Variants in BRIP1 observed in about 807,000 individuals in gnomAD.
The protein encoded by BRIP1 is Fanconi anemia group J protein.
Under a neutral mutation model 119.7 loss-of-function variants are expected in BRIP1, and 88 were observed. The observed-to-expected ratio is 0.74, with a 90% CI of 0.62 to 0.88. The LOEUF (loss-of-function observed/expected upper bound fraction) is 0.88. Among genes scored for constraint, BRIP1 ranks in the 40% least tolerant of loss-of-function variants. The pLI, the probability that BRIP1 is intolerant of heterozygous loss-of-function variation, is 0.00. For missense variants in BRIP1, 1,259 were observed against 1,455.4 expected (o/e 0.87, Z 2.20); for synonymous variants, 443 against 496.5 (o/e 0.89, Z 1.43).
At chr17:61,696,185 A>G (rs1383053566) in intron 17 of BRIP1, among the ~76,000 whole-genome samples, 1 of 136,314 alleles carries the variant, frequency 7.3e-6, no homozygotes, top group Non-Finnish European at 1.5e-5. Context: ...AATGTGTTGA[A>G]TACTGTTTTA....
chr17:61,737,111 G>C (rs1197691670), intron 16 of BRIP1, among the ~76,000 whole-genome samples: 1 of 152,014 alleles, frequency 6.6e-6, no homozygotes, highest in Non-Finnish European at 1.5e-5. Flanking sequence ...AATCAAAATA[G>C]TATACTACAA....
At position 61,746,676 on chromosome 17, in the gene BRIP1, C is replaced by T. The variant is rs756797699; in HGVS notation, c.2098-2085G>A. Among the ~76,000 whole-genome samples, 2 of 152,002 alleles carry T rather than the reference C, an allele frequency of 1.3e-5. No homozygotes were observed. The highest frequency in any genetic ancestry group is 2.9e-5 in the Non-Finnish European group (2 of 67,960). Reference sequence around the variant, plus strand: ...AATATACACACAACCAACATCAGAGCACCCAAATATAGCAAGCAAATAGTG... The same window carrying T: ...AATATACACACAACCAACATCAGAGTACCCAAATATAGCAAGCAAATAGTG... On this transcript the variant is annotated intron_variant, in intron 14 of 19. Coordinates refer to ENST00000259008, the MANE Select transcript of BRIP1 (RefSeq NM_032043.3). The surrounding 1 kb of genome is among the most constrained non-coding windows in gnomAD (Gnocchi z 4.9).
At chr17:61,801,130 G>A in intron 8 of BRIP1, 123 bp downstream of exon 8, 1 of 878,814 alleles carries the variant, frequency 1.1e-6, no homozygotes, top group Non-Finnish European at 1.8e-6. Flanking sequence ...ACTCTAATAT[G>A]TTTACACAAA....
At chr17:61,787,709 A>C (rs1325850268) in intron 10 of BRIP1, among the ~76,000 whole-genome samples, 2 of 151,898 alleles carry the variant, frequency 1.3e-5, no homozygotes, top group Non-Finnish European at 2.9e-5. Context: ...CAGTGGCGCG[A>C]TTTCGGCTCA....
At chr17:61,788,940 C>T (rs965357415) in intron 10 of BRIP1, among the ~76,000 whole-genome samples, 7 of 151,908 alleles carry the variant, frequency 4.6e-5, no homozygotes, top group African/African-American at 1.7e-4. Context: ...CAAAAAAATA[C>T]AAAAAATGAG....
Position 61,686,461 on chromosome 17 carries a change from T to C in BRIP1, c.2576-296A>G, listed in dbSNP as rs566245173. 6.6e-6 allele frequency among the ~76,000 whole-genome samples: 1 copy of C among 151,700 alleles called. No homozygotes were observed. The highest frequency in any genetic ancestry group is 1.9e-4 in the East Asian group (1 of 5,160). ...TCTGGTTAAGAATAACTGGTGAACA[T>C]GGCAAATTTAATTTCATCATAATTC... On this transcript the variant is annotated intron_variant, in intron 18 of 19. Coordinates refer to ENST00000259008, the MANE Select transcript of BRIP1 (RefSeq NM_032043.3). This position sits in a 1 kb window ranked among gnomAD's most constrained non-coding sequence, Gnocchi z 5.4.
chr17:61,685,897 A>T lies in BRIP1; in HGVS notation c.2844T>A (p.Cys948Ter), dbSNP rs1567731150. ...EAKICVQELQ[C>*]PKIITKNSPL... ...GTGAATTTTTGGTAATAATTTTAGGACACTGTAGTTCCTGGACACATATCT... is the reference window on the plus strand; with the variant it reads ...GTGAATTTTTGGTAATAATTTTAGGTCACTGTAGTTCCTGGACACATATCT... The change falls in exon 19 of 20, where the codon TGT becomes TGA. Residue 948 changes from cysteine (C) to a stop codon, truncating the protein, a stop_gained. Coordinates refer to ENST00000259008, the MANE Select transcript of BRIP1 (RefSeq NM_032043.3). LOFTEE classifies it high-confidence loss of function. 1 of 1,613,904 alleles carries T rather than the reference A, an allele frequency of 6.2e-7. No homozygotes were observed. The highest frequency in any genetic ancestry group is 1.3e-5 in the African/African-American group (1 of 74,924).
Position 61,841,935 on chromosome 17 carries a change from C to G in BRIP1, c.627+5166G>C, listed in dbSNP as rs940069772. Among the ~76,000 whole-genome samples the G allele has an allele frequency of 3.3e-5, 5 of 152,246 alleles. No homozygotes were observed. The highest frequency in any genetic ancestry group is 3.9e-4 in the East Asian group (2 of 5,194). ...GGCCTGAGTGATTCTCCTACCTGAG[C>G]CTTCCAAAGTGTTGGGATTACTGGT... is the stretch of plus-strand genomic sequence containing the variant. On this transcript the variant is annotated intron_variant, in intron 6 of 19. Transcript: ENST00000259008. The surrounding 1 kb of genome is among the most constrained non-coding windows in gnomAD (Gnocchi z 4.1).
In BRIP1 at chr17:61,860,462, C is replaced by T. The variant is rs140954269; in HGVS notation, c.94-555G>A. 6.6e-6 allele frequency among the ~76,000 whole-genome samples: 1 copy of T among 152,202 alleles called. No homozygotes were observed. The highest frequency in any genetic ancestry group is 1.9e-4 in the East Asian group (1 of 5,176). ...ATCATTTGAGGTCAGGAGTTCGAGA[C>T]CAGCCTGGCCAACACGGTGAAAACC... On this transcript the variant is annotated intron_variant, in intron 2 of 19. Coordinates refer to ENST00000259008, the MANE Select transcript of BRIP1 (RefSeq NM_032043.3). This position sits in a 1 kb window ranked among gnomAD's most constrained non-coding sequence, Gnocchi z 4.1.
chr17:61,753,770 AAAGAACAAC>A lies in BRIP1; in HGVS notation c.2098-9188_2098-9180del, dbSNP rs1234903237. Among the ~76,000 whole-genome samples, 8 of 150,048 alleles carry A rather than the reference AAAGAACAAC, an allele frequency of 5.3e-5. No individual in the cohort carries two copies. In the South Asian group the frequency reaches 6.4e-4, roughly 12 times the overall value. ...GTATGCACTGCCATGTCTGGCTTGA[AAAGAACAAC>A]AACAACAACAACAACAAAAAACCAG... On this transcript the variant is annotated intron_variant, in intron 14 of 19. Transcript: ENST00000259008. This position sits in a 1 kb window ranked among gnomAD's most constrained non-coding sequence, Gnocchi z 4.6.
At chr17:61,697,871 T>C (rs1424111391) in intron 17 of BRIP1, among the ~76,000 whole-genome samples, 2 of 152,098 alleles carry the variant, frequency 1.3e-5, no homozygotes, top group Admixed American at 6.6e-5. Context: ...AGTGGCATGA[T>C]CTCAGCTCAC....
At chr17:61,838,847 A>C (rs937837675) in intron 6 of BRIP1, among the ~76,000 whole-genome samples, 1 of 151,942 alleles carries the variant, frequency 6.6e-6, no homozygotes, top group Non-Finnish European at 1.5e-5. Flanking sequence ...CTTTTTTTTC[A>C]ATTACTTTAT....
Position 61,778,754 on chromosome 17 carries a change from A to G in BRIP1, c.1935+1507T>C, listed in dbSNP as rs2077571827. ...GTATTCTTCCTTCACTGCTGTTCAT[A>G]GTCACATTTCTCAGCAGGAACACTC... On this transcript the variant is annotated intron_variant, in intron 13 of 19. Coordinates refer to ENST00000259008, the MANE Select transcript of BRIP1 (RefSeq NM_032043.3). The surrounding 1 kb of genome is among the most constrained non-coding windows in gnomAD (Gnocchi z 4.4). 6.6e-6 allele frequency among the ~76,000 whole-genome samples: 1 copy of G among 152,218 alleles called. No homozygotes were observed.
In BRIP1 at chr17:61,801,434, C is replaced by T. The variant is rs746681841; in HGVS notation, c.959G>A (p.Ser320Asn). Reference sequence around the variant, plus strand: ...GAAAGTCTGTAATGTGTGCTGATCACTAATTTTATGAACTCCATGATAAAA... The same window carrying T: ...GAAAGTCTGTAATGTGTGCTGATCATTAATTTTATGAACTCCATGATAAAA... ...CYFYHGVHKI[S>N]DQHTLQTFQG... The change falls in exon 8 of 20, where the codon AGT becomes AAT. Residue 320 changes from serine to asparagine, a missense_variant. This residue lies in a region of BRIP1 where 501 missense variants were observed against 544.0 expected (regional missense o/e 0.92). Coordinates refer to ENST00000259008, the MANE Select transcript of BRIP1 (RefSeq NM_032043.3). 3 of 1,613,618 alleles carry T rather than the reference C, an allele frequency of 1.9e-6. No homozygotes were observed. The South Asian group carries it at 3.3e-5, about 18-fold the overall frequency.
In BRIP1 at chr17:61,770,907, G is replaced by A. The variant is rs184029293; in HGVS notation, c.2097+5494C>T. 6.6e-6 allele frequency among the ~76,000 whole-genome samples: 1 copy of A among 152,076 alleles called. No homozygotes were observed. The highest frequency in any genetic ancestry group is 2.4e-5 in the African/African-American group (1 of 41,386). Reference sequence around the variant, plus strand: ...ATATACAGAAAACAAACAGCAAAGTGGCATTTGTAAACACTACCTTAGCAC... The same window carrying A: ...ATATACAGAAAACAAACAGCAAAGTAGCATTTGTAAACACTACCTTAGCAC... On this transcript the variant is annotated intron_variant, in intron 14 of 19. Transcript: ENST00000259008. The surrounding 1 kb of genome is among the most constrained non-coding windows in gnomAD (Gnocchi z 4.7).
rs1415541278 is a variant in BRIP1, at chr17:61,735,301, G to C, written c.2379+7712C>G. Among the ~76,000 whole-genome samples the C allele has an allele frequency of 6.6e-6, 1 of 152,158 alleles. No individual in the cohort carries two copies. Among genetic ancestry groups the C allele is most frequent in the Non-Finnish European group, 1.5e-5 (1 of 68,014 alleles). ...TTAGGTTATATTATATAGCAAAAAT[G>C]ATGGGAAGTTATTCCCATGATTTTT... On this transcript the variant is annotated intron_variant, in intron 16 of 19. Coordinates refer to ENST00000259008, the MANE Select transcript of BRIP1 (RefSeq NM_032043.3). The surrounding 1 kb of genome is among the most constrained non-coding windows in gnomAD (Gnocchi z 4.4).
chr17:61,818,131 T>G (rs570728285), intron 6 of BRIP1, among the ~76,000 whole-genome samples: 15 of 138,958 alleles, frequency 1.1e-4, no homozygotes, highest in African/African-American at 4.1e-4. Context: ...GGCAGGCATA[T>G]CACTTGTGCT....
chr17:61,761,939 T>C lies in BRIP1; in HGVS notation c.2097+14462A>G, dbSNP rs117289252. Among the ~76,000 whole-genome samples, 1,233 of 152,076 alleles carry C rather than the reference T, an allele frequency of 8.1e-3. 7 individuals are homozygous for C. The highest frequency in any genetic ancestry group is 0.019 in the South Asian group (94 of 4,824). ...ATTTCATATAGAGCCACAAGAAGCT[T>C]TGAATAGCCATGGCAGTCATGAGTA... On this transcript the variant is annotated intron_variant, in intron 14 of 19. Transcript: ENST00000259008. This position sits in a 1 kb window ranked among gnomAD's most constrained non-coding sequence, Gnocchi z 6.4.
At chr17:61,719,541 G>T (rs959741426) in intron 16 of BRIP1, among the ~76,000 whole-genome samples, 1 of 151,816 alleles carries the variant, frequency 6.6e-6, no homozygotes, top group African/African-American at 2.4e-5. Flanking sequence ...TGGCTAACAC[G>T]GTGAAATCCC....
Sources: gnomAD v4.1 joint callset for allele counts (sites outside exome capture counted in the v4.1 genomes callset) on GRCh38, gnomAD v4.1.1 for gene constraint, gnomAD v4.1.1 regional missense constraint, Gnocchi (gnomAD v3.1) non-coding constraint, MANE v1.5 for transcripts, NCBI Gene and HGNC (gene_info 2026-07-23, HGNC 2026-07-21) for gene names.